MED28: variants seen among roughly 807,000 people sequenced by gnomAD.
The protein encoded by MED28 is mediator of RNA polymerase II transcription subunit 28.
In MED28, 26 loss-of-function variants were observed where a neutral mutation model predicts 21.3. The observed-to-expected ratio is 1.22, with a 90% CI of 0.89 to 1.69. The LOEUF (loss-of-function observed/expected upper bound fraction) is 1.69, where lower values mean the gene tolerates loss of function less well. Ranked by LOEUF, MED28 falls within the 40% of genes most tolerant of loss-of-function variation. MED28 has a pLI of 0.00. For missense variants in MED28, 257 were observed against 215.4 expected (o/e 1.19, Z -1.21); for synonymous variants, 110 against 87.6 (o/e 1.26, Z -1.43).
chr4:17,620,214 T>C (rs1714578920), intron 2 of MED28: 4 of 475,804 alleles, frequency 8.4e-6, no homozygotes, highest in African/African-American at 2.0e-5. Context: ...AGACCAATAG[T>C]GTGTACTGCT....
intron 1 of MED28, among the ~76,000 whole-genome samples, chr4:17,615,563 G>A (rs149374366): frequency 1.2e-3 from 187 of 152,314 alleles, no homozygotes; most frequent in African/African-American, 3.8e-3. Context: ...TGTAATCCCA[G>A]CACTTTGGGA....
chr4:17,620,194 G>A (rs1401917702), intron 2 of MED28: 1 of 537,004 alleles, frequency 1.9e-6, no homozygotes, highest in Non-Finnish European at 3.3e-6. Flanking sequence ...TTCGTACTAG[G>A]TAAAGAAGAA....
chr4:17,623,480 A>G (rs1714690749), intron 3 of MED28, 121 bp from the exon 4 acceptor site: 4 of 896,552 alleles, frequency 4.5e-6, no homozygotes, highest in Admixed American at 2.1e-5. Flanking sequence ...CAAGCAGAGT[A>G]ATGGGCTTAA....
In MED28 at chr4:17,624,354, G is replaced by C. The variant is rs940029948; in HGVS notation, c.*556G>C. The C allele has an allele frequency of 1.3e-5, 2 of 157,792 alleles. No individual in the cohort carries two copies. Among genetic ancestry groups the C allele is most frequent in the African/African-American group, 4.8e-5 (2 of 41,452 alleles). 9.8% of individuals were successfully genotyped at this position (157,792 alleles called of 1,614,324 possible). A position where few individuals can be genotyped will look rare whatever the true frequency, so the allele number is the denominator to read the frequency against. On this transcript the variant is annotated 3_prime_UTR_variant, in exon 4 of 4. Coordinates refer to ENST00000237380, the MANE Select transcript of MED28 (RefSeq NM_025205.5). Reference sequence around the variant, plus strand: ...TGAGGATTTTTTTGTAAATAGGTCAGAAGACGATGGAACTGTCCTGGGTTA... The same window carrying C: ...TGAGGATTTTTTTGTAAATAGGTCACAAGACGATGGAACTGTCCTGGGTTA...
chr4:17,632,575 C>G lies in MED28; in HGVS notation c.*8777C>G. The G allele has an allele frequency of 6.4e-7, 1 of 1,551,438 alleles. No homozygotes were observed. The highest frequency in any genetic ancestry group is 1.2e-5 in the South Asian group (1 of 84,054). Reference sequence around the variant, plus strand: ...GGTGAACCATTCCTGGTGCGGAGAGCCCTGTTTCTGCTGGACTTCTTTGGC... The same window carrying G: ...GGTGAACCATTCCTGGTGCGGAGAGGCCTGTTTCTGCTGGACTTCTTTGGC... On this transcript the variant is annotated 3_prime_UTR_variant, in exon 4 of 4. Transcript: ENST00000237380.
Position 17,633,729 on chromosome 4 carries a change from A to G in MED28, c.*9931A>G. On this transcript the variant is annotated 3_prime_UTR_variant, in exon 4 of 4. Coordinates refer to ENST00000237380, the MANE Select transcript of MED28 (RefSeq NM_025205.5). ...GCATCTGTAGACTGGTTGGGTTTGT[A>G]GGTCCGGCCACAGCTGGGGCTTGGG... The G allele has an allele frequency of 6.5e-7, 1 of 1,549,190 alleles. No individual in the cohort carries two copies. The highest frequency in any genetic ancestry group is 1.2e-5 in the South Asian group (1 of 83,734).
chr4:17,632,738 C>A lies in MED28; in HGVS notation c.*8940C>A. 1 of 693,348 alleles carries A rather than the reference C, an allele frequency of 1.4e-6. No homozygotes were observed. Among genetic ancestry groups the A allele is most frequent in the Non-Finnish European group, 2.4e-6 (1 of 409,770 alleles). The allele number at this position is 693,348 out of a possible 1,614,324, so 42.9% of individuals were successfully genotyped here. On this transcript the variant is annotated 3_prime_UTR_variant, in exon 4 of 4. Coordinates refer to ENST00000237380, the MANE Select transcript of MED28 (RefSeq NM_025205.5). Reference sequence around the variant, plus strand: ...CTGCTTGTTTACTCTTCAAAAACACCCAAATGGGACTGGCCAACATTAGTA... The same window carrying A: ...CTGCTTGTTTACTCTTCAAAAACACACAAATGGGACTGGCCAACATTAGTA...
Position 17,632,447 on chromosome 4 carries a change from G to T in MED28, c.*8649G>T. On this transcript the variant is annotated 3_prime_UTR_variant, in exon 4 of 4. Coordinates refer to ENST00000237380, the MANE Select transcript of MED28 (RefSeq NM_025205.5). ...TAAATCATAAGCATATTATTTGGTT[G>T]GTTGGTGTTAGTTCATTCCTTCAAT... 2 of 1,117,646 alleles carry T rather than the reference G, an allele frequency of 1.8e-6. No individual in the cohort carries two copies. Among genetic ancestry groups the T allele is most frequent in the African/African-American group, 1.6e-5 (1 of 63,476 alleles). The allele number at this position is 1,117,646 out of a possible 1,614,324, so 69.2% of individuals were successfully genotyped here.
chr4:17,625,462 G>A lies in MED28; in HGVS notation c.*1664G>A, dbSNP rs1714750263. Reference sequence around the variant, plus strand: ...TCTGATTGGCAGCTTTGTATTTCTTGACTAAAAACCTAAATAAACTGATTA... The same window carrying A: ...TCTGATTGGCAGCTTTGTATTTCTTAACTAAAAACCTAAATAAACTGATTA... On this transcript the variant is annotated 3_prime_UTR_variant, in exon 4 of 4. Transcript: ENST00000237380. 4.0e-6 allele frequency: 1 copy of A among 248,608 alleles called. No homozygotes were observed. Among genetic ancestry groups the A allele is most frequent in the Non-Finnish European group, 8.0e-6 (1 of 125,048 alleles). 15.4% of individuals were successfully genotyped at this position (248,608 alleles called of 1,614,324 possible).
rs1715020739 is a variant in MED28, at chr4:17,633,313, GCCAAGTCC to G, written c.*9516_*9523del. On this transcript the variant is annotated 3_prime_UTR_variant, in exon 4 of 4. Transcript: ENST00000237380. Reference sequence around the variant, plus strand: ...CTGAAACTATATTGAAGATTTTTGTGCCAAGTCCTGTGCTAAGCACATCCTATGGATTA... The same window carrying G: ...CTGAAACTATATTGAAGATTTTTGTGTGTGCTAAGCACATCCTATGGATTA... 1.2e-5 allele frequency: 2 copies of G among 166,594 alleles called. No individual in the cohort carries two copies. Among genetic ancestry groups the G allele is most frequent in the Non-Finnish European group, 2.6e-5 (2 of 78,174 alleles). 10.3% of individuals were successfully genotyped at this position (166,594 alleles called of 1,614,324 possible).
intron 3 of MED28, 21 bp downstream of exon 3, chr4:17,621,720 T>C: frequency 6.7e-7 from 1 of 1,503,558 alleles, no homozygotes; most frequent in African/African-American, 1.4e-5. Context: ...AGTTTTCTCC[T>C]CAGCTCTATA....
chr4:17,620,103 C>G, intron 2 of MED28, 136 bp downstream of exon 2: 2 of 729,750 alleles, frequency 2.7e-6, no homozygotes, highest in African/African-American at 1.8e-5. Flanking sequence ...TGCACATAAT[C>G]TCTATGAGCT....
intron 1 of MED28, 126 bp from the exon 2 acceptor site, chr4:17,619,775 T>A: frequency 1.3e-6 from 1 of 746,224 alleles, no homozygotes; most frequent in Admixed American, 2.2e-5. Context: ...TGTCTTGCCA[T>A]CTCATATGCA....
rs753059803 is a variant in MED28 at position 17,618,130 on chromosome 4, G to A, written c.160-1771G>A. 2.8e-4 allele frequency among the ~76,000 whole-genome samples: 42 copies of A among 150,122 alleles called. 1 individual carries two copies. The highest frequency in any genetic ancestry group is 5.6e-4 in the Non-Finnish European group (38 of 67,740). On this transcript the variant is annotated intron_variant, in intron 1 of 3. Coordinates refer to ENST00000237380, the MANE Select transcript of MED28 (RefSeq NM_025205.5). The stretch of plus-strand genomic sequence containing the variant: ...GGGCTCAAGTGGTCCTCTTGCCTCA[G>A]CCTTCCAAGTGGCTGGGACTACAGG...
intron 1 of MED28, among the ~76,000 whole-genome samples, 167 bp downstream of exon 1, chr4:17,614,980 A>G (rs1389669984): frequency 4.6e-5 from 7 of 152,340 alleles, no homozygotes; most frequent in African/African-American, 1.4e-4. Flanking sequence ...CCCGTATTCA[A>G]TTCAGGTCTG....
Position 17,624,608 on chromosome 4 carries a change from T to G in MED28, c.*810T>G, listed in dbSNP as rs1266913159. 6 of 152,216 alleles carry G rather than the reference T, an allele frequency of 3.9e-5. No individual in the cohort carries two copies. The highest frequency in any genetic ancestry group is 1.4e-4 in the African/African-American group (6 of 41,454). The allele number at this position is 152,216 out of a possible 1,614,324, so 9.4% of individuals were successfully genotyped here. A position where few individuals can be genotyped will look rare whatever the true frequency, so the allele number is the denominator to read the frequency against. ...TAGGTGAGCTGTGAGGGGCTAAATCTTGCTCTGATTGTCTCTTTCTGTTTT... is the reference window on the plus strand; with the variant it reads ...TAGGTGAGCTGTGAGGGGCTAAATCGTGCTCTGATTGTCTCTTTCTGTTTT... On this transcript the variant is annotated 3_prime_UTR_variant, in exon 4 of 4. Coordinates refer to ENST00000237380, the MANE Select transcript of MED28 (RefSeq NM_025205.5).
In MED28 at chr4:17,623,546, C is replaced by T. The variant is rs958937284; in HGVS notation, c.340-55C>T. The T allele has an allele frequency of 1.9e-6, 3 of 1,553,210 alleles. No individual in the cohort carries two copies. The African/African-American group carries it at 4.1e-5, about 21-fold the overall frequency. On this transcript the variant is annotated intron_variant, in intron 3 of 3. Coordinates refer to ENST00000237380, the MANE Select transcript of MED28 (RefSeq NM_025205.5). Reference sequence around the variant, plus strand: ...TTGTTAGCCTCTTAACTAACCAGAACCGTATGTGTTTTTCCTGCATTTGCT... The same window carrying T: ...TTGTTAGCCTCTTAACTAACCAGAATCGTATGTGTTTTTCCTGCATTTGCT...
intron 1 of MED28, among the ~76,000 whole-genome samples, chr4:17,615,484 T>C (rs1714421416): frequency 6.6e-6 from 1 of 152,220 alleles, no homozygotes; most frequent in Admixed American, 6.5e-5. Flanking sequence ...TAAAGTAATG[T>C]ACGTTCAAAT....
At position 17,631,004 on chromosome 4, in the gene MED28, T is replaced by C. The variant is rs1714919880; in HGVS notation, c.*7206T>C. On this transcript the variant is annotated 3_prime_UTR_variant, in exon 4 of 4. Transcript: ENST00000237380. ...GGGCCAGCACCAAAGACTGAAAAAA[T>C]ATTTTGCCCCCTAAAAGTTGTTATT... 6.6e-6 allele frequency: 1 copy of C among 152,166 alleles called. No individual in the cohort carries two copies. The highest frequency in any genetic ancestry group is 2.1e-4 in the South Asian group (1 of 4,836). The allele number at this position is 152,166 out of a possible 1,614,324, so 9.4% of individuals were successfully genotyped here.
Sources: allele counts gnomAD v4.1 joint callset (sites outside exome capture counted in the v4.1 genomes callset), GRCh38; gene constraint gnomAD v4.1.1; transcripts MANE v1.5; gene names NCBI Gene and HGNC (gene_info 2026-07-23, HGNC 2026-07-21).